DOP1B: variants seen among roughly 807,000 people sequenced by gnomAD.
The protein encoded by DOP1B is protein DOP1B.
A neutral mutation model predicts 233.5 loss-of-function variants in DOP1B; 174 were observed. That is an observed-to-expected ratio of 0.75 (90% confidence interval 0.66 to 0.85). The LOEUF (loss-of-function observed/expected upper bound fraction) is 0.85. Among genes scored for constraint, DOP1B ranks in the 40% least tolerant of loss-of-function variants. The pLI is 0.00. For synonymous variants in DOP1B, 1,190 were observed against 1,185.6 expected, an observed-to-expected ratio of 1.00 and a Z score of -0.08; for missense variants, 2,652 against 2,846.6, an observed-to-expected ratio of 0.93 and a Z score of 1.56.
intron 11 of DOP1B, among the ~76,000 whole-genome samples, chr21:36,223,893 T>G (rs2066653442): frequency 6.6e-6 from 1 of 152,092 alleles, no homozygotes. Flanking sequence ...CCATGCCATT[T>G]TCTTTACGGG....
intron 3 of DOP1B, among the ~76,000 whole-genome samples, chr21:36,199,721 A>G (rs535234633): frequency 6.6e-6 from 1 of 152,182 alleles, no homozygotes; most frequent in East Asian, 1.9e-4. Context: ...TTTGCTGAGA[A>G]TGATGGTTTC....
chr21:36,234,943 G>A (rs2066809317), intron 15 of DOP1B, among the ~76,000 whole-genome samples: 1 of 152,114 alleles, frequency 6.6e-6, no homozygotes, highest in African/African-American at 2.4e-5. Flanking sequence ...ATGGTAATTA[G>A]CATACCCATC....
chr21:36,158,827 A>G (rs1390817622), intron 1 of DOP1B, among the ~76,000 whole-genome samples: 3 of 150,780 alleles, frequency 2.0e-5, no homozygotes, highest in Non-Finnish European at 3.0e-5. Flanking sequence ...AAGAAAAGAA[A>G]AAAGAAATGC....
chr21:36,264,145 A>G (rs986231905), intron 26 of DOP1B, among the ~76,000 whole-genome samples: 1 of 152,150 alleles, frequency 6.6e-6, no homozygotes, highest in Non-Finnish European at 1.5e-5. Flanking sequence ...TTCCCCCCAG[A>G]CGCGGTGGCG....
Position 36,245,908 on chromosome 21 carries a change from C to G in DOP1B, c.3928C>G (p.Leu1310Val), listed in dbSNP as rs780336294. The stretch of plus-strand genomic sequence containing the variant: ...GGTCCCCAACGTGTGCCCCCACTCT[C>G]TGCTCCTGGAGCTGCTCACCTACCT... Reference protein sequence around the residue: ...TQVPNVCPHSLLLELLTYLCL... With the variant: ...TQVPNVCPHSVLLELLTYLCL... Residue 1310 changes from leucine to valine, a missense_variant, in exon 19 of 37, where the codon CTG becomes GTG. Physicochemically the swap from Leu to Val is conservative, Grantham distance 32. This residue lies in a region of DOP1B where 2,617 missense variants were observed against 2,794.3 expected (regional missense o/e 0.94). Coordinates refer to ENST00000691173, the MANE Select transcript of DOP1B (RefSeq NM_001320714.2). This position sits in a 1 kb window ranked among gnomAD's most constrained non-coding sequence, Gnocchi z 5.5. 5 of 1,613,800 alleles carry G rather than the reference C, an allele frequency of 3.1e-6. No individual in the cohort carries two copies. Among genetic ancestry groups the G allele is most frequent in the Admixed American group, 3.3e-5 (2 of 59,990 alleles).
intron 2 of DOP1B, among the ~76,000 whole-genome samples, chr21:36,167,094 C>T (rs1360764301): frequency 6.6e-6 from 1 of 152,222 alleles, no homozygotes; most frequent in East Asian, 1.9e-4. Context: ...AGTAGAACCG[C>T]ATTGAGTCCC....
intron 30 of DOP1B, among the ~76,000 whole-genome samples, chr21:36,279,073 G>A (rs552801482): frequency 6.6e-6 from 1 of 152,046 alleles, no homozygotes; most frequent in South Asian, 2.1e-4. Flanking sequence ...GATCCACTGA[G>A]ACTCAGATGC....
chr21:36,204,341 T>C (rs182964835), intron 4 of DOP1B, among the ~76,000 whole-genome samples: 1 of 152,312 alleles, frequency 6.6e-6, no homozygotes, highest in East Asian at 1.9e-4. Context: ...AGGGAGGCCA[T>C]AGTACAGAGT....
intron 17 of DOP1B, 84 bp from the exon 18 acceptor site, chr21:36,239,681 G>T: frequency 7.0e-7 from 1 of 1,420,870 alleles, no homozygotes. Context: ...TGTGTTGGGT[G>T]ACGCCCTATG....
intron 32 of DOP1B, among the ~76,000 whole-genome samples, chr21:36,281,974 C>A (rs570692437): frequency 2.0e-4 from 30 of 152,268 alleles, no homozygotes; most frequent in African/African-American, 7.0e-4. Context: ...CCCTCACTGC[C>A]CCCACACACA....
rs2066788380 is a variant in DOP1B, at chr21:36,233,197, C to G, written c.2622+122C>G. 2.3e-6 allele frequency: 3 copies of G among 1,278,780 alleles called. No homozygotes were observed. In the South Asian group the frequency reaches 4.6e-5, roughly 20 times the overall value. 79.2% of individuals were successfully genotyped at this position (1,278,780 alleles called of 1,614,324 possible). Reference sequence around the variant, plus strand: ...TCTGAGAGTGATATTCTATAGGGCACTGGGCAGAGGCAGTAGCCTTTGGTC... The same window carrying G: ...TCTGAGAGTGATATTCTATAGGGCAGTGGGCAGAGGCAGTAGCCTTTGGTC... On this transcript the variant is annotated intron_variant, in intron 15 of 36. Coordinates refer to ENST00000691173, the MANE Select transcript of DOP1B (RefSeq NM_001320714.2).
intron 23 of DOP1B, among the ~76,000 whole-genome samples, chr21:36,254,367 T>C (rs78086177): frequency 0.016 from 2,385 of 151,914 alleles, 66 homozygotes; most frequent in African/African-American, 0.054. Context: ...TTTAGATTTG[T>C]GTGGAGATGA....
intron 9 of DOP1B, among the ~76,000 whole-genome samples, chr21:36,217,383 G>C (rs1181205314): frequency 6.6e-6 from 1 of 152,154 alleles, no homozygotes; most frequent in Admixed American, 6.5e-5. Flanking sequence ...ACACACCTCT[G>C]TCCCTCCAAC....
rs528548101 is a variant in DOP1B at position 36,200,859 on chromosome 21, G to T, written c.491+358G>T. Reference sequence around the variant, plus strand: ...GTCTCGAAAAAAAAAAAAAAGACACGGGGAAGGAAGTGCAGAGACATGGGA... The same window carrying T: ...GTCTCGAAAAAAAAAAAAAAGACACTGGGAAGGAAGTGCAGAGACATGGGA... On this transcript the variant is annotated intron_variant, in intron 4 of 36. Transcript: ENST00000691173. 2.0e-5 allele frequency among the ~76,000 whole-genome samples: 3 copies of T among 151,668 alleles called. No individual in the cohort carries two copies. The East Asian group carries it at 5.8e-4, about 29-fold the overall frequency.
chr21:36,187,781 A>AT (rs939258984), intron 2 of DOP1B, among the ~76,000 whole-genome samples: 1 of 151,530 alleles, frequency 6.6e-6, no homozygotes, highest in African/African-American at 2.4e-5. Flanking sequence ...TAATTTTTGT[A>AT]TTTTTTATAG....
At chr21:36,270,260 TA>T (rs1257042248) in intron 27 of DOP1B, 103 bp downstream of exon 27, 19 of 1,363,080 alleles carry the variant, frequency 1.4e-5, no homozygotes, top group African/African-American at 1.5e-5. Context: ...AGAAAGAAAG[TA>T]CTTAAGGTAG....
At chr21:36,234,222 A>G (rs1303485624) in intron 15 of DOP1B, among the ~76,000 whole-genome samples, 1 of 152,168 alleles carries the variant, frequency 6.6e-6, no homozygotes, top group Admixed American at 6.6e-5. Flanking sequence ...GATCTTGAAT[A>G]GACAGAACTT....
chr21:36,206,554 T>C (rs2066427815), intron 4 of DOP1B, among the ~76,000 whole-genome samples: 1 of 152,146 alleles, frequency 6.6e-6, no homozygotes, highest in East Asian at 1.9e-4. Flanking sequence ...AATTATTTCT[T>C]TAATAGAAAG....
At chr21:36,237,454 C>T (rs752899932) in intron 16 of DOP1B, 40 bp downstream of exon 16, 14 of 1,610,354 alleles carry the variant, frequency 8.7e-6, no homozygotes, top group East Asian at 2.2e-5. Context: ...TGCAGCACCC[C>T]GGCCCCTGCT....
Sources: gnomAD v4.1 joint callset for allele counts (sites outside exome capture counted in the v4.1 genomes callset) on GRCh38, gnomAD v4.1.1 for gene constraint, gnomAD v4.1.1 regional missense constraint, Gnocchi (gnomAD v3.1) non-coding constraint, MANE v1.5 for transcripts, NCBI Gene and HGNC (gene_info 2026-07-23, HGNC 2026-07-21) for gene names.